The following NTN1 variants were observed in gnomAD, a reference collection of about 807,000 sequenced individuals.
The protein encoded by NTN1 is netrin 1, also known as netrin-1.
In NTN1, 11 loss-of-function variants were observed where a neutral mutation model predicts 54.2. The observed-to-expected ratio is 0.20, with a 90% CI of 0.13 to 0.34. The LOEUF is 0.34. Ranked by LOEUF, NTN1 falls within the 10% of genes least tolerant of loss-of-function variation. The pLI, the probability that NTN1 is intolerant of heterozygous loss-of-function variation, is 1.00. For missense variants in NTN1, 740 were observed against 893.1 expected (o/e 0.83, Z 2.18); for synonymous variants, 371 against 382.0 (o/e 0.97, Z 0.33).
At chr17:9,183,031 G>A in intron 5 of NTN1, 62 bp downstream of exon 5, 2 of 1,399,948 alleles carry the variant, frequency 1.4e-6, no homozygotes, top group South Asian at 2.3e-5. Flanking sequence ...GGTGGGGTGG[G>A]TTAATGGGGA....
At chr17:9,164,262 TA>T (rs1055500090) in intron 3 of NTN1, among the ~76,000 whole-genome samples, 1 of 152,004 alleles carries the variant, frequency 6.6e-6, no homozygotes, top group African/African-American at 2.4e-5. Flanking sequence ...CCATCTCCAC[TA>T]AAAATAGCAA....
intron 2 of NTN1, among the ~76,000 whole-genome samples, chr17:9,113,032 TTA>T (rs1158684006): frequency 1.3e-5 from 2 of 150,376 alleles, no homozygotes. Flanking sequence ...TTTTTTATTT[TTA>T]TTTTTTTGAG....
chr17:9,094,159 A>G (rs34943210), intron 2 of NTN1, among the ~76,000 whole-genome samples: 13,601 of 152,184 alleles, frequency 0.089, 713 homozygotes, highest in Non-Finnish European at 0.11. Context: ...TTTATAACCT[A>G]CTTTTTAAAA....
chr17:9,008,080 T>C, the NTN1 span, among the ~76,000 whole-genome samples: 1 of 152,136 alleles, frequency 6.6e-6, no homozygotes, highest in Admixed American at 6.6e-5. Flanking sequence ...GACCCTGAGC[T>C]GAAGTGGATA....
At chr17:9,080,985 C>T (rs914020477) in intron 2 of NTN1, among the ~76,000 whole-genome samples, 4 of 152,174 alleles carry the variant, frequency 2.6e-5, no homozygotes, top group Non-Finnish European at 5.9e-5. Context: ...CTGAGCCACT[C>T]TAGCAAATTA....
intron 6 of NTN1, among the ~76,000 whole-genome samples, chr17:9,227,845 C>T (rs553237883): frequency 2.0e-4 from 30 of 151,454 alleles, no homozygotes; most frequent in South Asian, 6.3e-4. Flanking sequence ...CACGCATTAT[C>T]GCACACATGC....
intron 6 of NTN1, among the ~76,000 whole-genome samples, chr17:9,224,546 C>T (rs947017298): frequency 6.6e-6 from 1 of 152,202 alleles, no homozygotes. Flanking sequence ...ACGGGCCTGG[C>T]TGGGTGAGAT....
intron 3 of NTN1, chr17:9,170,989 C>T (rs901898758): frequency 3.3e-5 from 5 of 152,272 alleles, no homozygotes; most frequent in Non-Finnish European, 5.9e-5. Context: ...TGTCAAATAA[C>T]CCAGTTTGGG....
At position 9,243,244 on chromosome 17, in the gene NTN1, GAGGGAGGGACACCTGGGGTCACAACCC is replaced by G. The variant is rs1906282620; in HGVS notation, c.*3286_*3312del. On this transcript the variant is annotated 3_prime_UTR_variant, in exon 7 of 7. Transcript: ENST00000173229. Reference sequence around the variant, plus strand: ...AGCATCCCCAGGGGCCTCTATGTGGGAGGGAGGGACACCTGGGGTCACAACCCAGGGAGGGAGGGTCACAGCCCAGGG... The same window carrying G: ...AGCATCCCCAGGGGCCTCTATGTGGGAGGGAGGGAGGGTCACAGCCCAGGG... 1 of 151,974 alleles carries G rather than the reference GAGGGAGGGACACCTGGGGTCACAACCC, an allele frequency of 6.6e-6. No homozygotes were observed. Among genetic ancestry groups the G allele is most frequent in the South Asian group, 2.1e-4 (1 of 4,818 alleles). 9.4% of individuals were successfully genotyped at this position (151,974 alleles called of 1,614,324 possible). A position where few individuals can be genotyped will look rare whatever the true frequency, so the allele number is the denominator to read the frequency against.
intron 5 of NTN1, among the ~76,000 whole-genome samples, chr17:9,184,027 G>A (rs1052108590): frequency 6.6e-6 from 1 of 152,190 alleles, no homozygotes; most frequent in African/African-American, 2.4e-5. Flanking sequence ...GGGACTCTTT[G>A]CCTCCCCCAG....
the NTN1 span, among the ~76,000 whole-genome samples, chr17:9,005,131 T>C: frequency 6.6e-6 from 1 of 152,042 alleles, no homozygotes; most frequent in Non-Finnish European, 1.5e-5. Context: ...CTCCACGTCT[T>C]CACCAACATT....
intron 5 of NTN1, among the ~76,000 whole-genome samples, chr17:9,214,364 C>T (rs942741662): frequency 1.4e-4 from 21 of 152,242 alleles, no homozygotes; most frequent in South Asian, 4.1e-4. Context: ...TGTTATTCTA[C>T]GTCAAAAAAT....
chr17:9,163,420 A>G (rs867148409), intron 3 of NTN1, among the ~76,000 whole-genome samples: 6 of 126,956 alleles, frequency 4.7e-5, no homozygotes, highest in Non-Finnish European at 8.4e-5. Flanking sequence ...TCTTTCACCA[A>G]ATGCACGCAG....
intron 5 of NTN1, among the ~76,000 whole-genome samples, chr17:9,205,364 A>C (rs1385958516): frequency 1.3e-5 from 2 of 152,264 alleles, no homozygotes; most frequent in African/African-American, 4.8e-5. Context: ...GCAGTGGCTC[A>C]TGCCTGTAAT....
chr17:9,068,709 T>C (rs1414723203), intron 2 of NTN1, among the ~76,000 whole-genome samples: 1 of 152,068 alleles, frequency 6.6e-6, no homozygotes, highest in Non-Finnish European at 1.5e-5. Context: ...GGTTTCTCCA[T>C]GTTGGTCAGG....
At chr17:9,238,625 C>T (rs570630487) in intron 6 of NTN1, among the ~76,000 whole-genome samples, 5 of 152,278 alleles carry the variant, frequency 3.3e-5, no homozygotes, top group South Asian at 2.1e-4. Context: ...AACCAACACA[C>T]GTATACAGGA....
intron 2 of NTN1, among the ~76,000 whole-genome samples, chr17:9,092,787 C>G (rs2092116498): frequency 6.7e-6 from 1 of 149,770 alleles, no homozygotes; most frequent in Non-Finnish European, 1.5e-5. Flanking sequence ...GAGACAGAGT[C>G]TCGCTCTGTC....
intron 5 of NTN1, among the ~76,000 whole-genome samples, chr17:9,215,405 A>G (rs553930241): frequency 1.3e-5 from 2 of 152,268 alleles, no homozygotes; most frequent in East Asian, 3.9e-4. Context: ...CTCTATGTTT[A>G]CTGGTTTCAG....
chr17:9,222,138 C>T (rs1434439494), intron 6 of NTN1, among the ~76,000 whole-genome samples: 2 of 152,232 alleles, frequency 1.3e-5, no homozygotes, highest in Non-Finnish European at 2.9e-5. Context: ...CTTTCTAGCA[C>T]GGGGCCTCTC....
Sources: allele counts gnomAD v4.1 joint callset (sites outside exome capture counted in the v4.1 genomes callset), GRCh38; gene constraint gnomAD v4.1.1; transcripts MANE v1.5; gene names NCBI Gene and HGNC (gene_info 2026-07-23, HGNC 2026-07-21).